Variants in PARD3 observed in about 807,000 individuals in gnomAD.
The protein encoded by PARD3 is par-3 family cell polarity regulator.
PARD3 carries 75 observed loss-of-function variants against 155.4 expected under a neutral mutation model. The observed-to-expected ratio is 0.48, with a 90% CI of 0.40 to 0.58. The LOEUF (loss-of-function observed/expected upper bound fraction) is 0.58, where lower values mean the gene tolerates loss of function less well. PARD3 is among the 20% of genes least tolerant of loss of function. PARD3 has a pLI of 0.00. For missense variants in PARD3, 1,642 were observed against 1,721.7 expected (o/e 0.95, Z 0.82); for synonymous variants, 576 against 610.5 (o/e 0.94, Z 0.83).
intron 22 of PARD3, among the ~76,000 whole-genome samples, chr10:34,141,595 C>T (rs1948191088): frequency 6.6e-6 from 1 of 152,166 alleles, no homozygotes; most frequent in Non-Finnish European, 1.5e-5. Context: ...TCTGTGGTCT[C>T]TGGGTAACAG....
intron 2 of PARD3, among the ~76,000 whole-genome samples, chr10:34,589,935 G>A (rs1273296178): frequency 6.6e-6 from 1 of 152,208 alleles, no homozygotes; most frequent in Non-Finnish European, 1.5e-5. Flanking sequence ...ACAGGAAGCA[G>A]AGAATGACAT....
intron 5 of PARD3, among the ~76,000 whole-genome samples, chr10:34,430,978 A>G (rs773956): frequency 0.49 from 74,251 of 152,130 alleles, 20,848 homozygotes; most frequent in Non-Finnish European, 0.62. Context: ...GGCGTTTTCT[A>G]GACAGATCAT....
chr10:34,680,632 A>C (rs2093795998), intron 2 of PARD3, among the ~76,000 whole-genome samples: 1 of 151,924 alleles, frequency 6.6e-6, no homozygotes, highest in Non-Finnish European at 1.5e-5. Context: ...AAAACGTTCA[A>C]GGTAACAAGA....
chr10:34,256,239 G>A (rs555045149), intron 22 of PARD3, among the ~76,000 whole-genome samples: 5 of 152,266 alleles, frequency 3.3e-5, no homozygotes, highest in South Asian at 4.1e-4. Flanking sequence ...GCTTTTGTCC[G>A]AATTTGTGCA....
At chr10:34,415,977 C>G (rs185627753) in intron 5 of PARD3, among the ~76,000 whole-genome samples, 105 of 152,216 alleles carry the variant, frequency 6.9e-4, no homozygotes, top group Non-Finnish European at 1.1e-3. Context: ...GATTTAAAAG[C>G]CTTCATGAAT....
intron 22 of PARD3, among the ~76,000 whole-genome samples, chr10:34,194,101 T>A (rs931679860): frequency 5.9e-5 from 9 of 152,190 alleles, no homozygotes; most frequent in Admixed American, 2.0e-4. Context: ...AAATAACCAC[T>A]GCACTTCCAG....
At chr10:34,480,551 T>C (rs539445782) in intron 3 of PARD3, among the ~76,000 whole-genome samples, 1 of 152,302 alleles carries the variant, frequency 6.6e-6, no homozygotes, top group East Asian at 1.9e-4. Flanking sequence ...TTTCTACTTT[T>C]AACAGCATCG....
At chr10:34,811,676 A>G (rs4934516) in intron 1 of PARD3, among the ~76,000 whole-genome samples, 49,384 of 152,022 alleles carry the variant, frequency 0.32, 8,672 homozygotes, top group African/African-American at 0.47. Flanking sequence ...TGTCTCCTAG[A>G]TTATACTTTT....
At chr10:34,382,331 T>G (rs7905901) in intron 9 of PARD3, among the ~76,000 whole-genome samples, 16,507 of 152,204 alleles carry the variant, frequency 0.11, 1,785 homozygotes, top group African/African-American at 0.28. Context: ...CAGAGCAAAA[T>G]AAACCTGAGA....
In PARD3 at chr10:34,464,319, A is replaced by C. The variant is rs535339073; in HGVS notation, c.582+5766T>G. On this transcript the variant is annotated intron_variant, in intron 4 of 24. Coordinates refer to ENST00000374788, the MANE Select transcript of PARD3 (RefSeq NM_001184785.2). Reference sequence around the variant, plus strand: ...AAGACAGTAAGTTCTGGAACTCAGGAATAGTACCAGCTGCTTGTTTCCTTC... The same window carrying C: ...AAGACAGTAAGTTCTGGAACTCAGGCATAGTACCAGCTGCTTGTTTCCTTC... 1.1e-3 allele frequency among the ~76,000 whole-genome samples: 172 copies of C among 152,214 alleles called. 2 individuals are homozygous for C. Among genetic ancestry groups the C allele is most frequent in the African/African-American group, 4.0e-3 (166 of 41,534 alleles).
chr10:34,781,180 G>C (rs1466961089), intron 1 of PARD3, among the ~76,000 whole-genome samples: 3 of 152,162 alleles, frequency 2.0e-5, no homozygotes, highest in Admixed American at 2.0e-4. Context: ...TAAATCAAGG[G>C]ACATGGCTGA....
intron 20 of PARD3, among the ~76,000 whole-genome samples, chr10:34,293,331 C>T (rs1454517050): frequency 6.6e-6 from 1 of 152,094 alleles, no homozygotes; most frequent in African/African-American, 2.4e-5. Context: ...TATACCTTGG[C>T]TTGATGCACT....
At chr10:34,480,461 C>T (rs2079004582) in intron 3 of PARD3, among the ~76,000 whole-genome samples, 1 of 152,182 alleles carries the variant, frequency 6.6e-6, no homozygotes, top group African/African-American at 2.4e-5. Flanking sequence ...TGGTCACAAA[C>T]TCCTGGCCTC....
intron 22 of PARD3, among the ~76,000 whole-genome samples, chr10:34,256,117 T>C (rs1954639691): frequency 6.6e-6 from 1 of 152,252 alleles, no homozygotes. Flanking sequence ...GGATACACTT[T>C]AAAGTTCGGA....
intron 12 of PARD3, among the ~76,000 whole-genome samples, chr10:34,371,604 C>A (rs897159705): frequency 7.2e-6 from 1 of 139,452 alleles, no homozygotes; most frequent in South Asian, 2.4e-4. Context: ...GAAAATGAAA[C>A]CTGTTTATTA....
At chr10:34,150,102 T>C (rs2132950261) in intron 22 of PARD3, among the ~76,000 whole-genome samples, 1 of 152,354 alleles carries the variant, frequency 6.6e-6, no homozygotes, top group South Asian at 2.1e-4. Flanking sequence ...ATATTTTGAA[T>C]AATTTCTTCT....
chr10:34,402,026 A>G (rs1374451396), intron 5 of PARD3, 109 bp from the exon 6 acceptor site: 2 of 863,948 alleles, frequency 2.3e-6, no homozygotes, highest in Non-Finnish European at 4.0e-6. Context: ...GATCTTGGTA[A>G]CTGTTTCCTC....
intron 22 of PARD3, among the ~76,000 whole-genome samples, chr10:34,152,874 A>G (rs912484158): frequency 1.3e-5 from 2 of 152,204 alleles, no homozygotes; most frequent in African/African-American, 4.8e-5. Context: ...AGAATTAAAG[A>G]GCATTCCAAT....
chr10:34,283,116 A>G (rs533816734), intron 21 of PARD3, among the ~76,000 whole-genome samples: 2 of 152,240 alleles, frequency 1.3e-5, no homozygotes, highest in Non-Finnish European at 2.9e-5. Flanking sequence ...ATCTCTTTTA[A>G]ATAAAACTGT....
Sources: allele counts gnomAD v4.1 joint callset (sites outside exome capture counted in the v4.1 genomes callset), GRCh38; gene constraint gnomAD v4.1.1; transcripts MANE v1.5; gene names NCBI Gene and HGNC (gene_info 2026-07-23, HGNC 2026-07-21).